The following LEKR1 variants were observed in gnomAD, a reference collection of about 807,000 sequenced individuals.
LEKR1 encodes leucine, glutamate and lysine rich 1, also known as protein LEKR1.
Under a neutral mutation model 72.4 loss-of-function variants are expected in LEKR1, and 59 were observed. The ratio of observed to expected loss-of-function variants is 0.82; its 90% CI spans 0.66 to 1.01. The LOEUF (loss-of-function observed/expected upper bound fraction) is 1.01, where lower values mean the gene tolerates loss of function less well. LEKR1 is among the 50% of genes least tolerant of loss of function. The pLI, the probability that LEKR1 is intolerant of heterozygous loss-of-function variation, is 0.00. For missense variants in LEKR1, 728 were observed against 759.2 expected, an observed-to-expected ratio of 0.96 and a Z score of 0.48; for synonymous variants, 257 against 263.2, an observed-to-expected ratio of 0.98 and a Z score of 0.23.
At chr3:156,958,244 A>G (rs1474204697) in intron 6 of LEKR1, among the ~76,000 whole-genome samples, 1 of 152,072 alleles carries the variant, frequency 6.6e-6, no homozygotes, top group Non-Finnish European at 1.5e-5. Flanking sequence ...ACATTTAGAA[A>G]CATGTTCACA....
At chr3:157,005,360 A>G (rs1340015551) in intron 9 of LEKR1, among the ~76,000 whole-genome samples, 1 of 152,144 alleles carries the variant, frequency 6.6e-6, no homozygotes, top group Admixed American at 6.5e-5. Flanking sequence ...TTTACTGGTG[A>G]ATTTTACCAA....
intron 3 of LEKR1, among the ~76,000 whole-genome samples, chr3:156,887,018 A>G (rs1024988558): frequency 2.0e-4 from 31 of 152,126 alleles, no homozygotes; most frequent in Admixed American, 9.8e-4. Flanking sequence ...TGTGTCTCCT[A>G]CCTGCCATTT....
In LEKR1 at chr3:156,934,586, G is replaced by A. The variant is rs866850953; in HGVS notation, c.559+6982G>A. On this transcript the variant is annotated intron_variant, in intron 5 of 12. Coordinates refer to ENST00000356539, the MANE Select transcript of LEKR1 (RefSeq NM_001004316.3). ...GAAGTTTTTTATTGAATTTATAAGA[G>A]GAAAATATAAACACTTAATAATTAG... Among the ~76,000 whole-genome samples, 98 of 151,762 alleles carry A rather than the reference G, an allele frequency of 6.5e-4. 2 individuals carry two copies. The highest frequency in any genetic ancestry group is 2.3e-3 in the African/African-American group (96 of 41,392).
intron 12 of LEKR1, among the ~76,000 whole-genome samples, chr3:157,038,622 G>A (rs1735128876): frequency 1.3e-5 from 2 of 152,150 alleles, no homozygotes; most frequent in East Asian, 1.9e-4. Context: ...AGGAACTTCT[G>A]GTGAGGTGGG....
chr3:156,973,159 AGT>A (rs1729390603), intron 6 of LEKR1, among the ~76,000 whole-genome samples: 1 of 152,092 alleles, frequency 6.6e-6, no homozygotes. Flanking sequence ...TTATTTCTAA[AGT>A]CTGCGAAGTT....
intron 6 of LEKR1, among the ~76,000 whole-genome samples, chr3:156,974,457 A>G (rs1729516932): frequency 6.6e-6 from 1 of 152,134 alleles, no homozygotes; most frequent in African/African-American, 2.4e-5. Flanking sequence ...ATTAAAAACG[A>G]AACAAAACTG....
rs554582011 is a variant in LEKR1 at position 156,938,432 on chromosome 3, T to C, written c.560-4097T>C. Among the ~76,000 whole-genome samples, 34 of 152,322 alleles carry C rather than the reference T, an allele frequency of 2.2e-4. 1 individual carries two copies. Among genetic ancestry groups the C allele is most frequent in the African/African-American group, 7.9e-4 (33 of 41,574 alleles). ...TCTTGCTCTGTTGCCCAGGCTGGAGTGCAGTGGCATGATAACTCACTGCAA... is the reference window on the plus strand; with the variant it reads ...TCTTGCTCTGTTGCCCAGGCTGGAGCGCAGTGGCATGATAACTCACTGCAA... On this transcript the variant is annotated intron_variant, in intron 5 of 12. Coordinates refer to ENST00000356539, the MANE Select transcript of LEKR1 (RefSeq NM_001004316.3).
rs1734074828 is a variant in LEKR1 at position 157,024,809 on chromosome 3, AAG to A, written c.1256_1257del (p.Glu419AlafsTer6). ...AGGGCCCAACACTTGGTTGAATTTG[AAG>A]AGCAAGCTCTTCTCTTTAAGGAAGA... On this transcript the variant is annotated frameshift_variant, in exon 11 of 13. Transcript: ENST00000356539. LOFTEE classifies it high-confidence loss of function. 6.2e-7 allele frequency: 1 copy of A among 1,611,680 alleles called. No individual in the cohort carries two copies. Among genetic ancestry groups the A allele is most frequent in the African/African-American group, 1.3e-5 (1 of 74,738 alleles).
At chr3:156,999,246 A>C (rs1327208794) in intron 9 of LEKR1, among the ~76,000 whole-genome samples, 2 of 152,154 alleles carry the variant, frequency 1.3e-5, no homozygotes, top group Non-Finnish European at 2.9e-5. Context: ...GAACAGACAG[A>C]CAATACACTC....
chr3:156,944,731 G>C (rs985757676), intron 6 of LEKR1, among the ~76,000 whole-genome samples: 13 of 151,682 alleles, frequency 8.6e-5, no homozygotes, highest in Non-Finnish European at 1.5e-5. Flanking sequence ...CATCTGTGTT[G>C]TTGCAAATGA....
intron 3 of LEKR1, among the ~76,000 whole-genome samples, chr3:156,873,901 A>G (rs371756844): frequency 6.6e-6 from 1 of 152,040 alleles, no homozygotes; most frequent in Admixed American, 6.6e-5. Context: ...AAGTGATTAG[A>G]CACTTTTCTG....
chr3:156,991,527 G>C (rs1731143750), intron 7 of LEKR1, among the ~76,000 whole-genome samples: 2 of 152,004 alleles, frequency 1.3e-5, no homozygotes, highest in Admixed American at 1.3e-4. Flanking sequence ...TTCAGATTAT[G>C]ACTTAACGAG....
intron 3 of LEKR1, among the ~76,000 whole-genome samples, chr3:156,882,755 A>G (rs1314195466): frequency 2.0e-5 from 3 of 152,224 alleles, no homozygotes; most frequent in African/African-American, 7.2e-5. Flanking sequence ...ACCAAGCCAA[A>G]TGTCCAACAA....
At chr3:156,837,618 C>T (rs1023413870) in intron 2 of LEKR1, among the ~76,000 whole-genome samples, 2 of 152,128 alleles carry the variant, frequency 1.3e-5, no homozygotes, top group African/African-American at 4.8e-5. Context: ...ACAGAAGACA[C>T]ATAAAGATAA....
At chr3:156,833,218 T>C (rs1712669840) in intron 2 of LEKR1, among the ~76,000 whole-genome samples, 1 of 152,236 alleles carries the variant, frequency 6.6e-6, no homozygotes, top group Non-Finnish European at 1.5e-5. Context: ...TCCTGTTCTG[T>C]TTGATATTCA....
At chr3:156,840,130 C>T (rs767151164) in intron 2 of LEKR1, among the ~76,000 whole-genome samples, 1 of 152,128 alleles carries the variant, frequency 6.6e-6, no homozygotes, top group Non-Finnish European at 1.5e-5. Context: ...TTTTCTCTAG[C>T]TTACTTTATA....
At chr3:156,953,248 C>G (rs1252253699) in intron 6 of LEKR1, among the ~76,000 whole-genome samples, 1 of 151,240 alleles carries the variant, frequency 6.6e-6, no homozygotes, top group Non-Finnish European at 1.5e-5. Context: ...ATATATCACT[C>G]CCCCCAACAC....
At chr3:156,962,898 A>C (rs924783280) in intron 6 of LEKR1, among the ~76,000 whole-genome samples, 2 of 152,140 alleles carry the variant, frequency 1.3e-5, no homozygotes, top group Non-Finnish European at 2.9e-5. Flanking sequence ...GCTAGACTTT[A>C]GCTCTACCAC....
intron 5 of LEKR1, among the ~76,000 whole-genome samples, chr3:156,936,467 C>CACACACACACACA (rs767163001): frequency 0.029 from 2,038 of 70,106 alleles, 80 homozygotes; most frequent in African/African-American, 0.061. Context: ...ACACACACAC[C>CACACACACACACA]CCCCGTATGC....
Sources: gnomAD v4.1 joint callset for allele counts (sites outside exome capture counted in the v4.1 genomes callset) on GRCh38, gnomAD v4.1.1 for gene constraint, MANE v1.5 for transcripts, NCBI Gene and HGNC (gene_info 2026-07-23, HGNC 2026-07-21) for gene names.